Variants in AKAP9 observed in about 807,000 individuals in gnomAD.
AKAP9 encodes the protein A-kinase anchoring protein 9, also known as A-kinase anchor protein 9.
In AKAP9, 311 loss-of-function variants were observed where a neutral mutation model predicts 488.5. The ratio of observed to expected loss-of-function variants is 0.64; its 90% confidence interval spans 0.58 to 0.70. AKAP9 has a LOEUF of 0.70. Among genes scored for constraint, AKAP9 ranks in the 30% least tolerant of loss-of-function variants. AKAP9 has a pLI of 0.00. For synonymous variants in AKAP9, 1,462 were observed against 1,483.5 expected (o/e 0.99, Z 0.33); for missense variants, 4,215 against 4,374.5 (o/e 0.96, Z 1.03).
At chr7:92,036,547 C>G (rs768069153) in intron 16 of AKAP9, among the ~76,000 whole-genome samples, 2 of 152,142 alleles carry the variant, frequency 1.3e-5, no homozygotes, top group African/African-American at 2.4e-5. Flanking sequence ...TATTCTCAGC[C>G]ATTATCTCGT....
intron 28 of AKAP9, among the ~76,000 whole-genome samples, chr7:92,073,815 T>C (rs1812124868): frequency 2.0e-5 from 3 of 152,158 alleles, no homozygotes; most frequent in Admixed American, 1.3e-4. Context: ...TTTCAAACTT[T>C]AATGCACATG....
At chr7:92,094,714 TC>T (rs1816258649) in intron 39 of AKAP9, among the ~76,000 whole-genome samples, 1 of 151,888 alleles carries the variant, frequency 6.6e-6, no homozygotes, top group African/African-American at 2.4e-5. Context: ...GCACCTGTAG[TC>T]CCAGCTACCC....
Position 92,061,304 on chromosome 7 carries a change from A to G in AKAP9, c.5646A>G (p.Ser1882=). The G allele has an allele frequency of 6.2e-7, 1 of 1,613,020 alleles. No homozygotes were observed. Among genetic ancestry groups the G allele is most frequent in the Non-Finnish European group, 8.5e-7 (1 of 1,179,342 alleles). Residue 1882 remains serine (S), a synonymous_variant, in exon 23 of 50, where the codon TCA becomes TCG. Coordinates refer to ENST00000356239, the MANE Select transcript of AKAP9 (RefSeq NM_005751.5). ...CACAGACAGAGTTGATGCGTGAGTCATTTAGACAGAAACAAGAAGCAACAG... is the reference window on the plus strand; with the variant it reads ...CACAGACAGAGTTGATGCGTGAGTCGTTTAGACAGAAACAAGAAGCAACAG... ...KVTQTELMRE[S]FRQKQEATES...
chr7:91,991,059 G>C (rs919457752), intron 3 of AKAP9, among the ~76,000 whole-genome samples: 1 of 152,116 alleles, frequency 6.6e-6, no homozygotes, highest in Non-Finnish European at 1.5e-5. Context: ...AAAAACCATA[G>C]TGTATATAGG....
chr7:92,035,932 G>A (rs1185321843), intron 16 of AKAP9, among the ~76,000 whole-genome samples: 1 of 151,830 alleles, frequency 6.6e-6, no homozygotes, highest in Non-Finnish European at 1.5e-5. Context: ...TTTTAAAAAG[G>A]ATGTTTACGC....
At chr7:91,993,841 TC>T (rs1421704114) in intron 5 of AKAP9, among the ~76,000 whole-genome samples, 1 of 152,186 alleles carries the variant, frequency 6.6e-6, no homozygotes, top group Non-Finnish European at 1.5e-5. Flanking sequence ...ATTAAGAATG[TC>T]AGCAAGTTGG....
rs144775574 is a variant in AKAP9, at chr7:92,012,590, A to G, written c.3480A>G (p.Glu1160=). Residue 1160 remains glutamate (E), a synonymous_variant, in exon 9 of 50, where the codon GAA becomes GAG. Transcript: ENST00000356239. ...TTGCTCAAGAGGAAAAGATCAAGGA[A>G]CTTCAGAAAATACACCAGTTAGAAC... is the stretch of plus-strand genomic sequence containing the variant. The part of the protein sequence containing the change: ...LIFAQEEKIK[E]LQKIHQLELQ... The G allele has an allele frequency of 3.7e-6, 6 of 1,613,500 alleles. No homozygotes were observed. Among genetic ancestry groups the G allele is most frequent in the Admixed American group, 3.3e-5 (2 of 59,956 alleles).
chr7:92,078,429 C>A (rs1227698747), intron 30 of AKAP9, among the ~76,000 whole-genome samples: 1 of 151,978 alleles, frequency 6.6e-6, no homozygotes, highest in Non-Finnish European at 1.5e-5. Flanking sequence ...CAAGACCAGC[C>A]TGGGCAACAT....
rs1790916796 is a variant in AKAP9, at chr7:91,942,639, G to GGC, written c.48+1492_48+1493insGC. 2.6e-5 allele frequency among the ~76,000 whole-genome samples: 4 copies of GGC among 152,270 alleles called. 1 individual carries two copies. On this transcript the variant is annotated intron_variant, in intron 1 of 49. Transcript: ENST00000356239. ...GCCTGCCCCCAGAAATGTCTTTCCT[G>GGC]AATATATGTGAAGCAGTCCTACAAA...
chr7:91,979,666 C>G (rs1411778639), intron 2 of AKAP9, among the ~76,000 whole-genome samples: 14 of 152,162 alleles, frequency 9.2e-5, no homozygotes, highest in Non-Finnish European at 1.8e-4. Context: ...GGGGCCATTA[C>G]TTGAACACAA....
intron 3 of AKAP9, among the ~76,000 whole-genome samples, chr7:91,980,843 C>T (rs995469683): frequency 1.3e-5 from 2 of 151,804 alleles, no homozygotes; most frequent in African/African-American, 2.4e-5. Context: ...AAGTATATGT[C>T]ATTTTGTTAT....
At chr7:91,993,120 ATAG>A (rs1584752593) in intron 5 of AKAP9, 65 bp downstream of exon 5, 1 of 1,566,004 alleles carries the variant, frequency 6.4e-7, no homozygotes, top group East Asian at 2.2e-5. Context: ...AATGTGAATA[ATAG>A]TAGTCTTTAA....
At chr7:91,974,819 A>G (rs552397469) in intron 2 of AKAP9, among the ~76,000 whole-genome samples, 3 of 152,068 alleles carry the variant, frequency 2.0e-5, no homozygotes, top group East Asian at 3.9e-4. Flanking sequence ...TTTGTTAAAT[A>G]TACTCTCAAG....
At chr7:92,091,022 T>G (rs1815462876) in intron 38 of AKAP9, among the ~76,000 whole-genome samples, 1 of 152,250 alleles carries the variant, frequency 6.6e-6, no homozygotes, top group Admixed American at 6.5e-5. Flanking sequence ...CTCTAGTTCC[T>G]GAAGGGTTTA....
intron 1 of AKAP9, among the ~76,000 whole-genome samples, chr7:91,955,795 G>A (rs1562891417): frequency 1.3e-5 from 2 of 152,018 alleles, no homozygotes; most frequent in Non-Finnish European, 2.9e-5. Flanking sequence ...CACCATGCCC[G>A]GCTAATTTTT....
rs769368151 is a variant in AKAP9 at position 92,089,407 on chromosome 7, T to C, written c.9236T>C (p.Met3079Thr). ...CAGGGTGTTGAATATCAAGCAGCTA[T>C]GGAATGCCTCCAGAAAGCAGATAGA... ...QEQGVEYQAA[M>T]ECLQKADRRS... is the part of the protein sequence containing the mutation. The change falls in exon 38 of 50, where the codon ATG becomes ACG. Residue 3079 changes from methionine (M) to threonine (T), a missense_variant. Met to Thr is a moderately conservative substitution (Grantham distance 81, BLOSUM62 -1). This residue lies in a region of AKAP9 where 1,476 missense variants were observed against 1,477.4 expected (regional missense o/e 1.00). Transcript: ENST00000356239. 6.2e-7 allele frequency: 1 copy of C among 1,611,954 alleles called. No individual in the cohort carries two copies. The highest frequency in any genetic ancestry group is 8.5e-7 in the Non-Finnish European group (1 of 1,179,740).
intron 12 of AKAP9, among the ~76,000 whole-genome samples, chr7:92,018,790 C>T (rs1034169680): frequency 1.3e-5 from 2 of 152,176 alleles, no homozygotes; most frequent in Non-Finnish European, 2.9e-5. Flanking sequence ...TTTTCATCTA[C>T]TTTCATTGCT....
At chr7:92,030,134 A>T in intron 15 of AKAP9, 143 bp downstream of exon 15, 1 of 635,564 alleles carries the variant, frequency 1.6e-6, no homozygotes, top group East Asian at 2.8e-5. Flanking sequence ...TAGAAAACTC[A>T]GAATACACAT....
intron 8 of AKAP9, among the ~76,000 whole-genome samples, chr7:92,009,578 G>A (rs990203030): frequency 4.1e-4 from 62 of 152,066 alleles, no homozygotes; most frequent in African/African-American, 1.5e-3. Context: ...TAATAAAATA[G>A]GATTAAAGGG....
Sources: allele counts gnomAD v4.1 joint callset (sites outside exome capture counted in the v4.1 genomes callset), GRCh38; gene constraint gnomAD v4.1.1; regional missense constraint gnomAD v4.1.1; transcripts MANE v1.5; gene names NCBI Gene and HGNC (gene_info 2026-07-23, HGNC 2026-07-21).